NAALADL2: variants seen among roughly 807,000 people sequenced by gnomAD.
NAALADL2 encodes inactive N-acetylated-alpha-linked acidic dipeptidase-like protein 2.
NAALADL2 carries 76 observed loss-of-function variants against 87.2 expected under a neutral mutation model. The observed-to-expected ratio is 0.87, with a 90% confidence interval of 0.72 to 1.05. NAALADL2 has a LOEUF of 1.05. Ranked by LOEUF, NAALADL2 falls within the 50% of genes least tolerant of loss-of-function variation. NAALADL2 has a pLI of 0.00. For missense variants in NAALADL2, 1,089 were observed against 945.8 expected (o/e 1.15, Z -1.99); for synonymous variants, 354 against 331.0 (o/e 1.07, Z -0.75).
At chr3:175,629,832 AACAG>A (rs1299099870) in intron 11 of NAALADL2, among the ~76,000 whole-genome samples, 3 of 151,796 alleles carry the variant, frequency 2.0e-5, no homozygotes, top group East Asian at 3.9e-4. Flanking sequence ...ATTAGTGTGA[AACAG>A]ACAGAAAATT....
At chr3:175,030,872 A>G (rs2108910643) in intron 1 of NAALADL2, among the ~76,000 whole-genome samples, 1 of 151,848 alleles carries the variant, frequency 6.6e-6, no homozygotes, top group Middle Eastern at 3.4e-3. Context: ...GTATCTATTT[A>G]TTTGTATACA....
chr3:175,576,206 T>C lies in NAALADL2; in HGVS notation c.1800+19T>C, dbSNP rs138271552. On this transcript the variant is annotated intron_variant, in intron 10 of 13. Coordinates refer to ENST00000454872, the MANE Select transcript of NAALADL2 (RefSeq NM_207015.3). Reference sequence around the variant, plus strand: ...ATTAGAGGTGATTGTTCCTAAAAAATGCAAAACACACACACACAATATAGT... The same window carrying C: ...ATTAGAGGTGATTGTTCCTAAAAAACGCAAAACACACACACACAATATAGT... The C allele has an allele frequency of 3.1e-6, 5 of 1,606,736 alleles. No homozygotes were observed. Among genetic ancestry groups the C allele is most frequent in the Non-Finnish European group, 2.5e-6 (3 of 1,176,674 alleles).
intron 1 of NAALADL2, among the ~76,000 whole-genome samples, chr3:174,874,856 C>A (rs150102318): frequency 6.6e-6 from 1 of 151,858 alleles, no homozygotes; most frequent in Non-Finnish European, 1.5e-5. Flanking sequence ...ATGCTCACAC[C>A]GCTAATCCTA....
chr3:175,581,728 TATA>T (rs1028243934), intron 10 of NAALADL2, among the ~76,000 whole-genome samples: 2 of 152,210 alleles, frequency 1.3e-5, no homozygotes, highest in East Asian at 1.9e-4. Context: ...GAAAAGGGCA[TATA>T]ATGTTACTAG....
chr3:175,706,446 A>C (rs2149985811), intron 11 of NAALADL2, among the ~76,000 whole-genome samples: 1 of 152,278 alleles, frequency 6.6e-6, no homozygotes, highest in African/African-American at 2.4e-5. Flanking sequence ...AGTAATAAAA[A>C]CTGTAATAAA....
chr3:175,723,196 T>C (rs1742474800), intron 11 of NAALADL2, among the ~76,000 whole-genome samples: 1 of 152,106 alleles, frequency 6.6e-6, no homozygotes, highest in African/African-American at 2.4e-5. Context: ...CTGGCTAAAA[T>C]CCACTTCAGG....
intron 1 of NAALADL2, among the ~76,000 whole-genome samples, chr3:175,093,080 A>G (rs1720446939): frequency 1.3e-5 from 2 of 151,834 alleles, no homozygotes; most frequent in South Asian, 2.1e-4. Context: ...TAACACTCAC[A>G]TGGGGTAATC....
At chr3:175,381,549 C>T (rs532812121) in intron 5 of NAALADL2, among the ~76,000 whole-genome samples, 17 of 151,946 alleles carry the variant, frequency 1.1e-4, no homozygotes, top group South Asian at 2.1e-4. Flanking sequence ...GTTTTAAGTG[C>T]TCTTTTTACT....
At chr3:174,951,233 A>C (rs1345395747) in intron 1 of NAALADL2, among the ~76,000 whole-genome samples, 1 of 152,028 alleles carries the variant, frequency 6.6e-6, no homozygotes, top group East Asian at 1.9e-4. Flanking sequence ...AAATGTAGCA[A>C]AAATACCTTC....
At chr3:174,712,305 A>G (rs552940535) in intron 2 of NAALADL2, among the ~76,000 whole-genome samples, 10 of 150,482 alleles carry the variant, frequency 6.6e-5, no homozygotes, top group African/African-American at 2.4e-4. Flanking sequence ...TTCTTAACGT[A>G]TCCTAATGCT....
chr3:174,555,175 T>C (rs953589611), intron 2 of NAALADL2, among the ~76,000 whole-genome samples: 5 of 152,156 alleles, frequency 3.3e-5, no homozygotes, highest in Admixed American at 3.3e-4. Flanking sequence ...TCCTTACTCA[T>C]TGCAAGTTTC....
chr3:175,327,997 C>T (rs368993005), intron 5 of NAALADL2, among the ~76,000 whole-genome samples: 4 of 152,224 alleles, frequency 2.6e-5, no homozygotes, highest in East Asian at 3.9e-4. Context: ...GGAATTATTA[C>T]ACACCTGCAG....
intron 3 of NAALADL2, among the ~76,000 whole-genome samples, chr3:174,801,322 G>A (rs911021958): frequency 1.3e-5 from 2 of 152,188 alleles, no homozygotes; most frequent in African/African-American, 4.8e-5. Context: ...CATGAGATCT[G>A]ATGGTTTGAT....
chr3:175,064,815 C>A (rs930233573), intron 1 of NAALADL2, among the ~76,000 whole-genome samples: 18 of 152,074 alleles, frequency 1.2e-4, no homozygotes, highest in African/African-American at 4.1e-4. Flanking sequence ...CGTAGAAATC[C>A]TTCCCGGTGG....
intron 1 of NAALADL2, among the ~76,000 whole-genome samples, chr3:174,986,808 G>C (rs1231011467): frequency 1.3e-5 from 2 of 152,154 alleles, no homozygotes; most frequent in Admixed American, 6.5e-5. Context: ...AATAGTGGTA[G>C]ACAAGGGTTA....
intron 5 of NAALADL2, among the ~76,000 whole-genome samples, chr3:175,420,818 G>T (rs944594317): frequency 1.3e-5 from 2 of 151,952 alleles, no homozygotes; most frequent in African/African-American, 2.4e-5. Context: ...GTCAGGGGTT[G>T]TATCTAACTG....
chr3:174,616,364 C>A (rs1489915779), intron 2 of NAALADL2, among the ~76,000 whole-genome samples: 2 of 151,780 alleles, frequency 1.3e-5, no homozygotes, highest in East Asian at 1.9e-4. Flanking sequence ...AAACATTATA[C>A]CTTATTGTAA....
intron 2 of NAALADL2, among the ~76,000 whole-genome samples, chr3:174,609,484 A>G (rs935577573): frequency 6.6e-6 from 1 of 152,146 alleles, no homozygotes; most frequent in Non-Finnish European, 1.5e-5. Context: ...TACAAAATCA[A>G]TGTACAAAAA....
chr3:174,976,085 C>A (rs1023021982), intron 1 of NAALADL2, among the ~76,000 whole-genome samples: 14 of 152,054 alleles, frequency 9.2e-5, no homozygotes, highest in Non-Finnish European at 1.8e-4. Flanking sequence ...ACTATAAATG[C>A]AATAGACATA....
Sources: allele counts gnomAD v4.1 joint callset (sites outside exome capture counted in the v4.1 genomes callset), GRCh38; gene constraint gnomAD v4.1.1; transcripts MANE v1.5; gene names NCBI Gene and HGNC (gene_info 2026-07-23, HGNC 2026-07-21).